EXOC8: variants seen among roughly 807,000 people sequenced by gnomAD.
EXOC8 encodes the protein exocyst complex 84 kDa subunit.
EXOC8 carries 19 observed loss-of-function variants against 50.8 expected under a neutral mutation model. The observed-to-expected ratio is 0.37, with a 90% CI of 0.26 to 0.55. EXOC8 has a LOEUF of 0.55. Ranked by LOEUF, EXOC8 falls within the 20% of genes least tolerant of loss-of-function variation. The pLI, the probability that EXOC8 is intolerant of heterozygous loss-of-function variation, is 0.80. For missense variants in EXOC8, 781 were observed against 915.8 expected (o/e 0.85, Z 1.90); for synonymous variants, 384 against 367.9 (o/e 1.04, Z -0.50).
rs1558357289 is a variant in EXOC8, at chr1:231,336,107, G to C, written c.1639C>G (p.Leu547Val). The C allele has an allele frequency of 6.2e-7, 1 of 1,614,114 alleles. No individual in the cohort carries two copies. The highest frequency in any genetic ancestry group is 1.3e-5 in the African/African-American group (1 of 74,948). The change falls in exon 1 of 1, where the codon CTG (leucine) becomes GTG (valine). Residue 547 changes from leucine (L) to valine (V), a missense_variant. By Grantham distance (32) the Leu-to-Val change is conservative (BLOSUM62 1). Coordinates refer to ENST00000366645, the MANE Select transcript of EXOC8 (RefSeq NM_175876.5). This position sits in a 1 kb window ranked among gnomAD's most constrained non-coding sequence, Gnocchi z 5.4. ...LDLTFIIHAL[L>V]VKDIQGALHS... ...AAGGCCCCTTGGATGTCTTTCACCAGAAGGGCATGGATGATGAAGGTGAGA... is the reference window on the plus strand; with the variant it reads ...AAGGCCCCTTGGATGTCTTTCACCACAAGGGCATGGATGATGAAGGTGAGA...
At position 231,336,453 on chromosome 1, in the gene EXOC8, A is replaced by C. The variant is rs1686676242; in HGVS notation, c.1293T>G (p.Phe431Leu). ...LGQCTKACEL[F>L]LRNRAAAVHT... The stretch of plus-strand genomic sequence containing the variant: ...GAACAGCGGCTGCCCTGTTTCTCAA[A>C]AATAGCTCACAGGCCTTCGTGCACT... The change falls in exon 1 of 1, where the codon TTT becomes TTG. Residue 431 changes from phenylalanine to leucine, a missense_variant. By Grantham distance (22) the Phe-to-Leu change is conservative. Coordinates refer to ENST00000366645, the MANE Select transcript of EXOC8 (RefSeq NM_175876.5). The surrounding 1 kb of genome is among the most constrained non-coding windows in gnomAD (Gnocchi z 5.4). The C allele has an allele frequency of 6.2e-7, 1 of 1,613,746 alleles. No individual in the cohort carries two copies. Among genetic ancestry groups the C allele is most frequent in the South Asian group, 1.1e-5 (1 of 91,054 alleles).
rs760770827 is a variant in EXOC8 at position 231,336,911 on chromosome 1, C to A, written c.835G>T (p.Asp279Tyr). 1 of 1,614,152 alleles carries A rather than the reference C, an allele frequency of 6.2e-7. No homozygotes were observed. The highest frequency in any genetic ancestry group is 1.1e-5 in the South Asian group (1 of 91,082). The change falls in exon 1 of 1, where the codon GAC becomes TAC. Residue 279 changes from aspartate (D) to tyrosine (Y), a missense_variant. Physicochemically the swap from Asp to Tyr is radical, Grantham distance 160 (BLOSUM62 -3). Transcript: ENST00000366645. This position sits in a 1 kb window ranked among gnomAD's most constrained non-coding sequence, Gnocchi z 5.4. The stretch of plus-strand genomic sequence containing the variant: ...TTCTCACTGAGGGCCCTCTTGGTGT[C>A]CTCCAGCACTTCCAGCCACTCTCGT... Reference protein sequence around the residue: ...IKREWLEVLEDTKRALSEKRR... With the variant: ...IKREWLEVLEYTKRALSEKRR...
At position 231,334,827 on chromosome 1, in the gene EXOC8, A is replaced by C. The variant is rs1421089575; in HGVS notation, c.*741T>G. On this transcript the variant is annotated 3_prime_UTR_variant, in exon 1 of 1. Transcript: ENST00000366645. Reference sequence around the variant, plus strand: ...TCTTTTGACTAAAACTTACCTTAAAACCAATTTTCCCAACTCTTTTCCTTT... The same window carrying C: ...TCTTTTGACTAAAACTTACCTTAAACCCAATTTTCCCAACTCTTTTCCTTT... The C allele has an allele frequency of 6.6e-6, 1 of 152,132 alleles. No homozygotes were observed. Among genetic ancestry groups the C allele is most frequent in the Non-Finnish European group, 1.5e-5 (1 of 68,022 alleles). 9.4% of individuals were successfully genotyped at this position (152,132 alleles called of 1,614,324 possible). A position where few individuals can be genotyped will look rare whatever the true frequency, so the allele number is the denominator to read the frequency against.
chr1:231,336,369 C>T lies in EXOC8; in HGVS notation c.1377G>A (p.Leu459=), dbSNP rs1338788124. The change falls in exon 1 of 1, where the codon CTG becomes CTA. Residue 459 remains leucine, a synonymous_variant. Transcript: ENST00000366645. The surrounding 1 kb of genome is among the most constrained non-coding windows in gnomAD (Gnocchi z 5.4). ...EGATLLYIHK[L]CHVFFTSLLE... is the part of the protein sequence containing the mutation. Reference sequence around the variant, plus strand: ...GAAGGCTGGTAAAGAAGACATGGCACAGCTTATGAATATAGAGTAAAGTGG... The same window carrying T: ...GAAGGCTGGTAAAGAAGACATGGCATAGCTTATGAATATAGAGTAAAGTGG... 8 of 1,613,956 alleles carry T rather than the reference C, an allele frequency of 5.0e-6. No homozygotes were observed. Among genetic ancestry groups the T allele is most frequent in the Non-Finnish European group, 5.9e-6 (7 of 1,180,048 alleles).
rs1009027680 is a variant in EXOC8, at chr1:231,337,810, C to T, written c.-65G>A. On this transcript the variant is annotated 5_prime_UTR_variant, in exon 1 of 1. Coordinates refer to ENST00000366645, the MANE Select transcript of EXOC8 (RefSeq NM_175876.5). This position sits in a 1 kb window ranked among gnomAD's most constrained non-coding sequence, Gnocchi z 5.9. ...CCGCAGCCGCCGCGGCTGTCTAGACCCACCCAAGGCCAACCGAGCTCCTGG... is the reference window on the plus strand; with the variant it reads ...CCGCAGCCGCCGCGGCTGTCTAGACTCACCCAAGGCCAACCGAGCTCCTGG... 4.6e-5 allele frequency: 69 copies of T among 1,514,886 alleles called. No homozygotes were observed. In the African/African-American group the frequency reaches 8.8e-4, roughly 19 times the overall value. The allele number at this position is 1,514,886 out of a possible 1,614,324, so 93.8% of individuals were successfully genotyped here. A position where few individuals can be genotyped will look rare whatever the true frequency, so the allele number is the denominator to read the frequency against.
Position 231,335,765 on chromosome 1 carries a change from T to C in EXOC8, c.1981A>G (p.Ser661Gly). The change falls in exon 1 of 1, where the codon AGT becomes GGT. Residue 661 changes from serine (S) to glycine (G), a missense_variant. Physicochemically the swap from Ser to Gly is moderately conservative, Grantham distance 56. This residue lies in a region of EXOC8 where 79 missense variants were observed against 95.3 expected (regional missense o/e 0.83). Coordinates refer to ENST00000366645, the MANE Select transcript of EXOC8 (RefSeq NM_175876.5). ...TCTGGATCCTGCTCACATCGAAGACTATAATCCACATGCTGAACAGCAACC... is the reference window on the plus strand; with the variant it reads ...TCTGGATCCTGCTCACATCGAAGACCATAATCCACATGCTGAACAGCAACC... ...ILVAVQHVDY[S>G]LRCEQDPEKK... The C allele has an allele frequency of 1.2e-6, 2 of 1,614,220 alleles. No homozygotes were observed. Among genetic ancestry groups the C allele is most frequent in the Non-Finnish European group, 1.7e-6 (2 of 1,180,040 alleles).
Position 231,335,921 on chromosome 1 carries a change from A to C in EXOC8, c.1825T>G (p.Cys609Gly). 6.2e-7 allele frequency: 1 copy of C among 1,614,202 alleles called. No homozygotes were observed. Among genetic ancestry groups the C allele is most frequent in the African/African-American group, 1.3e-5 (1 of 75,054 alleles). ...SNFEQYTGDD[C>G]WVNLSYTVVA... The stretch of plus-strand genomic sequence containing the variant: ...ACTGTGTAACTTAGGTTCACCCAGC[A>C]GTCATCCCCTGTGTACTGCTCAAAG... The change falls in exon 1 of 1, where the codon TGC (cysteine) becomes GGC (glycine). Residue 609 changes from cysteine (C) to glycine (G), a missense_variant. Cys to Gly is a radical substitution (Grantham distance 159). Transcript: ENST00000366645.
rs768417291 is a variant in EXOC8 at position 231,337,776 on chromosome 1, C to CT, written c.-32dup. ...TCCGGGTCTCACGCACTCACTGTCA[C>CT]TATCGGCGCCGCAGCCGCCGCGGCT... is the stretch of plus-strand genomic sequence containing the variant. On this transcript the variant is annotated 5_prime_UTR_variant, in exon 1 of 1. Transcript: ENST00000366645. This position sits in a 1 kb window ranked among gnomAD's most constrained non-coding sequence, Gnocchi z 5.9. 6.9e-5 allele frequency: 107 copies of CT among 1,549,934 alleles called. No individual in the cohort carries two copies. The highest frequency in any genetic ancestry group is 8.9e-5 in the Non-Finnish European group (102 of 1,150,432).
Position 231,337,782 on chromosome 1 carries a change from G to A in EXOC8, c.-37C>T. ...TCTCACGCACTCACTGTCACTATCG[G>A]CGCCGCAGCCGCCGCGGCTGTCTAG... On this transcript the variant is annotated 5_prime_UTR_variant, in exon 1 of 1. Transcript: ENST00000366645. The surrounding 1 kb of genome is among the most constrained non-coding windows in gnomAD (Gnocchi z 5.9). 1 of 1,545,360 alleles carries A rather than the reference G, an allele frequency of 6.5e-7. No homozygotes were observed. The highest frequency in any genetic ancestry group is 2.3e-5 in the East Asian group (1 of 44,360).
Position 231,337,784 on chromosome 1 carries a change from G to A in EXOC8, c.-39C>T, listed in dbSNP as rs763021951. 1.9e-6 allele frequency: 3 copies of A among 1,540,816 alleles called. No individual in the cohort carries two copies. The highest frequency in any genetic ancestry group is 2.6e-6 in the Non-Finnish European group (3 of 1,146,076). On this transcript the variant is annotated 5_prime_UTR_variant, in exon 1 of 1. Coordinates refer to ENST00000366645, the MANE Select transcript of EXOC8 (RefSeq NM_175876.5). The surrounding 1 kb of genome is among the most constrained non-coding windows in gnomAD (Gnocchi z 5.9). ...TCACGCACTCACTGTCACTATCGGCGCCGCAGCCGCCGCGGCTGTCTAGAC... is the reference window on the plus strand; with the variant it reads ...TCACGCACTCACTGTCACTATCGGCACCGCAGCCGCCGCGGCTGTCTAGAC...
In EXOC8 at chr1:231,337,689, T is replaced by C. The variant is rs1056954672; in HGVS notation, c.57A>G (p.Ser19=). The C allele has an allele frequency of 1.2e-6, 2 of 1,608,026 alleles. No individual in the cohort carries two copies. Among genetic ancestry groups the C allele is most frequent in the Non-Finnish European group, 1.7e-6 (2 of 1,178,960 alleles). ...GASRLRRQLE[S]GGFEARLYVK... ...CGTACAGCCGCGCCTCAAAACCCCC[T>C]GACTCCAGCTGCCGACGCAGGCGGC... Residue 19 remains serine (S), a synonymous_variant, in exon 1 of 1, where the codon TCA becomes TCG. Coordinates refer to ENST00000366645, the MANE Select transcript of EXOC8 (RefSeq NM_175876.5). The surrounding 1 kb of genome is among the most constrained non-coding windows in gnomAD (Gnocchi z 5.9).
At position 231,335,295 on chromosome 1, in the gene EXOC8, A is replaced by C. The variant is rs1174685480; in HGVS notation, c.*273T>G. 1 of 236,000 alleles carries C rather than the reference A, an allele frequency of 4.2e-6. No homozygotes were observed. Among genetic ancestry groups the C allele is most frequent in the Non-Finnish European group, 8.0e-6 (1 of 124,672 alleles). 14.6% of individuals were successfully genotyped at this position (236,000 alleles called of 1,614,324 possible). A position where few individuals can be genotyped will look rare whatever the true frequency, so the allele number is the denominator to read the frequency against. On this transcript the variant is annotated 3_prime_UTR_variant, in exon 1 of 1. Coordinates refer to ENST00000366645, the MANE Select transcript of EXOC8 (RefSeq NM_175876.5). Reference sequence around the variant, plus strand: ...TCAAAGGATAAAACCGAAATGCTATAGTATATAGTGTGACCATAATTTCAG... The same window carrying C: ...TCAAAGGATAAAACCGAAATGCTATCGTATATAGTGTGACCATAATTTCAG...
chr1:231,336,771 T>C lies in EXOC8; in HGVS notation c.975A>G (p.Val325=). Residue 325 remains valine (V), a synonymous_variant, in exon 1 of 1, where the codon GTA becomes GTG. Coordinates refer to ENST00000366645, the MANE Select transcript of EXOC8 (RefSeq NM_175876.5). The surrounding 1 kb of genome is among the most constrained non-coding windows in gnomAD (Gnocchi z 5.4). ...TGGAGAGGTCCACCTTCTCTTCCTC[T>C]ACCTCAGGAACAGCTGGTTCTTCTT... ...DEEEEPAVPE[V]EEEKVDLSME... is the part of the protein sequence containing the mutation. 6.2e-7 allele frequency: 1 copy of C among 1,614,210 alleles called. No individual in the cohort carries two copies. Among genetic ancestry groups the C allele is most frequent in the Non-Finnish European group, 8.5e-7 (1 of 1,180,040 alleles).
chr1:231,334,640 C>A lies in EXOC8; in HGVS notation c.*928G>T, dbSNP rs1338788448. The A allele has an allele frequency of 6.6e-6, 1 of 152,118 alleles. No individual in the cohort carries two copies. Among genetic ancestry groups the A allele is most frequent in the African/African-American group, 2.4e-5 (1 of 41,398 alleles). The allele number at this position is 152,118 out of a possible 1,614,324, so 9.4% of individuals were successfully genotyped here. ...CTTAGGATTTCCAAGTAAATGCTCC[C>A]AAATCAAGTATTACAAAGCTGCTAA... On this transcript the variant is annotated 3_prime_UTR_variant, in exon 1 of 1. Transcript: ENST00000366645.
Position 231,337,468 on chromosome 1 carries a change from T to A in EXOC8, c.278A>T (p.Glu93Val). The change falls in exon 1 of 1, where the codon GAG becomes GTG. Residue 93 changes from glutamate to valine, a missense_variant. Around this residue, in one of 3 missense-constraint regions of EXOC8, gnomAD observed 700 missense variants for 804.1 expected, o/e 0.87. Coordinates refer to ENST00000366645, the MANE Select transcript of EXOC8 (RefSeq NM_175876.5). This position sits in a 1 kb window ranked among gnomAD's most constrained non-coding sequence, Gnocchi z 5.9. Reference sequence around the variant, plus strand: ...GATGCTCTCCAGGCTGCTTTTCTGCTCGGTCAGCAAATGGCTGAGCTGGTA... The same window carrying A: ...GATGCTCTCCAGGCTGCTTTTCTGCACGGTCAGCAAATGGCTGAGCTGGTA... ...EMYQLSHLLT[E>V]QKSSLESIPL... 2 of 1,611,948 alleles carry A rather than the reference T, an allele frequency of 1.2e-6. No homozygotes were observed. The highest frequency in any genetic ancestry group is 4.5e-5 in the East Asian group (2 of 44,856).
rs1263039476 is a variant in EXOC8, at chr1:231,332,883, C to G, written c.*2685G>C. The stretch of plus-strand genomic sequence containing the variant: ...ACATGTCATGTCCCAAATTCCCAAT[C>G]CTAGGTAAGATATCAAGTTACAAAA... On this transcript the variant is annotated 3_prime_UTR_variant, in exon 1 of 1. Transcript: ENST00000366645. 6.6e-6 allele frequency: 1 copy of G among 152,122 alleles called. No homozygotes were observed. Among genetic ancestry groups the G allele is most frequent in the African/African-American group, 2.4e-5 (1 of 41,416 alleles). 9.4% of individuals were successfully genotyped at this position (152,122 alleles called of 1,614,324 possible). A position where few individuals can be genotyped will look rare whatever the true frequency, so the allele number is the denominator to read the frequency against.
Position 231,334,687 on chromosome 1 carries a change from G to A in EXOC8, c.*881C>T, listed in dbSNP as rs555071748. 15 of 152,294 alleles carry A rather than the reference G, an allele frequency of 9.8e-5. No homozygotes were observed. The highest frequency in any genetic ancestry group is 3.6e-4 in the African/African-American group (15 of 41,562). 9.4% of individuals were successfully genotyped at this position (152,294 alleles called of 1,614,324 possible). A position where few individuals can be genotyped will look rare whatever the true frequency, so the allele number is the denominator to read the frequency against. The stretch of plus-strand genomic sequence containing the variant: ...CTAATTAATTAGCAACTGAAAATTA[G>A]CCATTCAAATTATATTGGAAATATT... On this transcript the variant is annotated 3_prime_UTR_variant, in exon 1 of 1. Coordinates refer to ENST00000366645, the MANE Select transcript of EXOC8 (RefSeq NM_175876.5).
At position 231,336,494 on chromosome 1, in the gene EXOC8, G is replaced by C; in HGVS notation, c.1252C>G (p.Leu418Val). ...TTCGTGCACTGGCCCAGCCGGATCA[G>C]TTGCGAAACTGCTCTGCGAGTAGCC... ...PKATRRAVSQ[L>V]IRLGQCTKAC... Residue 418 changes from leucine (L) to valine (V), a missense_variant, in exon 1 of 1, where the codon CTG (leucine) becomes GTG (valine). Transcript: ENST00000366645. The surrounding 1 kb of genome is among the most constrained non-coding windows in gnomAD (Gnocchi z 5.4). 2 of 1,613,790 alleles carry C rather than the reference G, an allele frequency of 1.2e-6. No homozygotes were observed. Among genetic ancestry groups the C allele is most frequent in the Non-Finnish European group, 1.7e-6 (2 of 1,179,816 alleles).
rs750273435 is a variant in EXOC8, at chr1:231,336,008, A to G, written c.1738T>C (p.Leu580=). The G allele has an allele frequency of 1.9e-6, 3 of 1,614,236 alleles. No individual in the cohort carries two copies. Among genetic ancestry groups the G allele is most frequent in the Non-Finnish European group, 2.5e-6 (3 of 1,180,048 alleles). ...TTACCCAGGGCTTCTGGCGTCATCA[A>G]GTTCATCCTCCTCCACATCTCTTCA... ...NSEEMWRRMN[L]MTPEALGKLK... The change falls in exon 1 of 1, where the codon TTG becomes CTG. Residue 580 remains leucine (L), a synonymous_variant. Transcript: ENST00000366645. This position sits in a 1 kb window ranked among gnomAD's most constrained non-coding sequence, Gnocchi z 5.4.
Sources: allele counts gnomAD v4.1 joint callset, GRCh38; gene constraint gnomAD v4.1.1; regional missense constraint gnomAD v4.1.1; non-coding constraint Gnocchi (gnomAD v3.1); transcripts MANE v1.5; gene names NCBI Gene and HGNC (gene_info 2026-07-23, HGNC 2026-07-21).